The following ARHGAP6 variants were observed in gnomAD, a reference collection of about 807,000 sequenced individuals.
The protein encoded by ARHGAP6 is rho GTPase-activating protein 6.
A neutral mutation model predicts 55.7 loss-of-function variants in ARHGAP6; 16 were observed. That is an observed-to-expected ratio of 0.29 (90% CI 0.19 to 0.44). ARHGAP6 has a LOEUF of 0.44. ARHGAP6 is among the 20% of genes least tolerant of loss of function. The pLI is 1.00. For synonymous variants in ARHGAP6, 382 were observed against 360.9 expected (o/e 1.06, Z -0.66); for missense variants, 698 against 808.9 (o/e 0.86, Z 1.66).
intron 1 of ARHGAP6, among the ~76,000 whole-genome samples, chrX:11,611,956 C>G (rs2052107761): frequency 9.0e-6 from 1 of 110,846 alleles, no homozygotes; most frequent in Admixed American, 9.6e-5. Context: ...AATTTAACCT[C>G]TTTTTAAAAA....
chrX:11,217,322 C>T (rs1166609645), intron 2 of ARHGAP6, among the ~76,000 whole-genome samples: 1 of 112,099 alleles, frequency 8.9e-6, no homozygotes, highest in African/African-American at 3.2e-5. Context: ...CTAATTTACA[C>T]TTCCACCAAC....
In ARHGAP6 at chrX:11,622,917, A is replaced by G. The variant is rs1382205214; in HGVS notation, c.588+41324T>C. On this transcript the variant is annotated intron_variant, in intron 1 of 12. Coordinates refer to ENST00000337414, the MANE Select transcript of ARHGAP6 (RefSeq NM_013427.3). ...TATAGTAATTATCAACAACCTAAGT[A>G]AAATCTTAATATTTATAAGTCAAAG... Among the ~76,000 whole-genome samples the G allele has an allele frequency of 9.8e-5, 11 of 111,912 alleles. No individual in the cohort carries two copies. In the East Asian group the frequency reaches 3.0e-3, roughly 31 times the overall value.
intron 1 of ARHGAP6, chrX:11,298,189 T>G (rs1454896666): frequency 6.6e-6 from 8 of 1,207,672 alleles, no homozygotes; most frequent in Non-Finnish European, 9.0e-6. Context: ...CTATATTGGA[T>G]GAAAGTAAAT....
chrX:11,279,103 A>C (rs767788398), intron 1 of ARHGAP6, among the ~76,000 whole-genome samples: 3 of 111,651 alleles, frequency 2.7e-5, no homozygotes, highest in Non-Finnish European at 5.6e-5. Flanking sequence ...ATGCAGCCAC[A>C]GTGTGTTTCT....
At chrX:11,574,950 A>T (rs2051578771) in intron 1 of ARHGAP6, among the ~76,000 whole-genome samples, 2 of 111,359 alleles carry the variant, frequency 1.8e-5, no homozygotes, top group South Asian at 7.5e-4. Flanking sequence ...TCTAAAAGTA[A>T]CTCTCAGATC....
chrX:11,489,370 C>T (rs997045502), intron 1 of ARHGAP6, among the ~76,000 whole-genome samples: 1 of 111,775 alleles, frequency 8.9e-6, no homozygotes, highest in Non-Finnish European at 1.9e-5. Flanking sequence ...AAGGAAAGAA[C>T]GCTATTGGAA....
chrX:11,526,556 T>C (rs1458160469), intron 1 of ARHGAP6, among the ~76,000 whole-genome samples: 2 of 111,608 alleles, frequency 1.8e-5, no homozygotes, highest in African/African-American at 6.5e-5. Flanking sequence ...CATTTCTACA[T>C]TCAGGGAAAG....
Position 11,521,882 on chromosome X carries a change from T to C in ARHGAP6, c.588+142359A>G, listed in dbSNP as rs1195338949. ...TTGAAGAGGTCCTTCACGTCCCTTG[T>C]AAGTTGGATTCCTAGGTATTTTATT... On this transcript the variant is annotated intron_variant, in intron 1 of 12. Coordinates refer to ENST00000337414, the MANE Select transcript of ARHGAP6 (RefSeq NM_013427.3). Among the ~76,000 whole-genome samples, 3 of 111,537 alleles carry C rather than the reference T, an allele frequency of 2.7e-5. No homozygotes were observed. The East Asian group carries it at 8.4e-4, about 31-fold the overall frequency.
chrX:11,245,694 G>GATAGGAGAGA (rs1414179595), intron 2 of ARHGAP6, among the ~76,000 whole-genome samples: 1 of 111,795 alleles, frequency 8.9e-6, no homozygotes, highest in Non-Finnish European at 1.9e-5. Context: ...GATAGAAGAG[G>GATAGGAGAGA]ATAGGAGAGA....
intron 2 of ARHGAP6, among the ~76,000 whole-genome samples, chrX:11,202,675 G>C (rs2046646395): frequency 9.4e-6 from 1 of 106,896 alleles, no homozygotes; most frequent in East Asian, 2.9e-4. Context: ...GGGTGTGATT[G>C]TGGGCGCCTT....
chrX:11,160,229 C>G (rs1225208432), intron 9 of ARHGAP6, among the ~76,000 whole-genome samples: 3 of 107,716 alleles, frequency 2.8e-5, no homozygotes, highest in African/African-American at 1.0e-4. Context: ...GTGGGCAGAT[C>G]ACGAGGTCAG....
chrX:11,594,943 T>C (rs1170432829), intron 1 of ARHGAP6, among the ~76,000 whole-genome samples: 6 of 112,203 alleles, frequency 5.3e-5, no homozygotes, highest in African/African-American at 1.9e-4. Context: ...AAGCCTGAGA[T>C]GATGCAGTCT....
chrX:11,279,398 G>T (rs1030667645), intron 1 of ARHGAP6, among the ~76,000 whole-genome samples: 1 of 111,910 alleles, frequency 8.9e-6, no homozygotes, highest in African/African-American at 3.2e-5. Flanking sequence ...GATTTATCCT[G>T]TTCCTAAAAA....
chrX:11,496,893 C>T (rs996833124), intron 1 of ARHGAP6, among the ~76,000 whole-genome samples: 1 of 111,944 alleles, frequency 8.9e-6, no homozygotes, highest in Non-Finnish European at 1.9e-5. Context: ...ATCCTCCTGC[C>T]CCTTATTTTG....
At chrX:11,483,240 C>T (rs2050476361) in intron 1 of ARHGAP6, among the ~76,000 whole-genome samples, 1 of 111,863 alleles carries the variant, frequency 8.9e-6, no homozygotes, top group Non-Finnish European at 1.9e-5. Context: ...GAGGCAGGAA[C>T]CTTTGGTTTC....
At chrX:11,377,229 T>A (rs1479006473) in intron 1 of ARHGAP6, among the ~76,000 whole-genome samples, 1 of 112,198 alleles carries the variant, frequency 8.9e-6, no homozygotes, top group Admixed American at 9.5e-5. Flanking sequence ...ACAAAATGGA[T>A]CCCAAAGTTT....
At chrX:11,520,725 A>G (rs1165674628) in intron 1 of ARHGAP6, among the ~76,000 whole-genome samples, 1 of 111,677 alleles carries the variant, frequency 9.0e-6, no homozygotes, top group African/African-American at 3.3e-5. Context: ...TAGATCCCTG[A>G]GGAATCGCCA....
chrX:11,489,428 G>GT (rs2050543909), intron 1 of ARHGAP6, among the ~76,000 whole-genome samples: 1 of 112,480 alleles, frequency 8.9e-6, no homozygotes, highest in Non-Finnish European at 1.9e-5. Flanking sequence ...TAGAGCACAG[G>GT]TTGGCAAATG....
intron 8 of ARHGAP6, among the ~76,000 whole-genome samples, chrX:11,171,295 T>C: frequency 9.0e-6 from 1 of 110,649 alleles, no homozygotes; most frequent in Non-Finnish European, 1.9e-5. Flanking sequence ...TATATACATG[T>C]ACACCTGATA....
Sources: gnomAD v4.1 joint callset for allele counts (sites outside exome capture counted in the v4.1 genomes callset) on GRCh38, gnomAD v4.1.1 for gene constraint, MANE v1.5 for transcripts, NCBI Gene and HGNC (gene_info 2026-07-23, HGNC 2026-07-21) for gene names.